NPAS3: variants seen among roughly 807,000 people sequenced by gnomAD.
The protein encoded by NPAS3 is neuronal PAS domain protein 3.
A neutral mutation model predicts 73.1 loss-of-function variants in NPAS3; 14 were observed. The observed-to-expected ratio is 0.19, with a 90% CI of 0.13 to 0.30. The LOEUF (loss-of-function observed/expected upper bound fraction) is 0.30, where lower values mean the gene tolerates loss of function less well. NPAS3 is among the 10% of genes least tolerant of loss of function. NPAS3 has a pLI of 1.00. For missense variants in NPAS3, 1,096 were observed against 1,250.0 expected (o/e 0.88, Z 1.86); for synonymous variants, 620 against 541.5 (o/e 1.14, Z -2.01).
intron 2 of NPAS3, among the ~76,000 whole-genome samples, chr14:33,109,154 C>T (rs1436328050): frequency 6.6e-6 from 1 of 152,096 alleles, no homozygotes; most frequent in East Asian, 1.9e-4. Flanking sequence ...TTTCAAAGAT[C>T]CATGTGAATT....
chr14:33,698,957 A>G (rs1330801092), intron 6 of NPAS3, among the ~76,000 whole-genome samples: 1 of 152,176 alleles, frequency 6.6e-6, no homozygotes, highest in Non-Finnish European at 1.5e-5. Context: ...GGCAGAACAC[A>G]TATTGGTTGC....
intron 3 of NPAS3, among the ~76,000 whole-genome samples, chr14:33,278,222 AAGG>A (rs1266499753): frequency 3.3e-5 from 5 of 152,238 alleles, no homozygotes; most frequent in South Asian, 4.1e-4. Context: ...AGTTAACTTT[AAGG>A]AGATGTCATG....
chr14:33,131,049 C>G (rs997735749), intron 2 of NPAS3, among the ~76,000 whole-genome samples: 3 of 152,160 alleles, frequency 2.0e-5, no homozygotes, highest in African/African-American at 4.8e-5. Flanking sequence ...GCTTTATTAT[C>G]TGGCCCAAGT....
intron 3 of NPAS3, among the ~76,000 whole-genome samples, chr14:33,256,510 T>A (rs916042156): frequency 6.6e-6 from 1 of 152,182 alleles, no homozygotes; most frequent in Admixed American, 6.5e-5. Context: ...GCATTATCAA[T>A]TGCAGTTTGT....
chr14:33,062,303 A>G (rs1160532787), intron 2 of NPAS3, among the ~76,000 whole-genome samples: 70 of 71,890 alleles, frequency 9.7e-4, no homozygotes, highest in Non-Finnish European at 1.8e-3. Context: ...AAAAAAAAGA[A>G]AAAAAAAAAG....
chr14:32,966,776 C>CAAAAAAAAAAAAA, intron 1 of NPAS3, among the ~76,000 whole-genome samples: 1 of 45,166 alleles, frequency 2.2e-5, no homozygotes, highest in East Asian at 4.3e-4. Context: ...GACTCCGTCT[C>CAAAAAAAAAAAAA]AAAAAAAAAA....
chr14:33,497,185 A>G (rs534398684), intron 4 of NPAS3, among the ~76,000 whole-genome samples: 1 of 152,330 alleles, frequency 6.6e-6, no homozygotes, highest in East Asian at 1.9e-4. Flanking sequence ...ACCACCGTTC[A>G]ACAAAGTAAG....
chr14:33,097,644 A>G (rs1461618301), intron 2 of NPAS3, among the ~76,000 whole-genome samples: 2 of 152,322 alleles, frequency 1.3e-5, no homozygotes, highest in Admixed American at 6.5e-5. Flanking sequence ...ATATATGAGA[A>G]TTCCAGTAAC....
intron 2 of NPAS3, among the ~76,000 whole-genome samples, chr14:33,128,343 A>G (rs1196231356): frequency 6.6e-6 from 1 of 152,184 alleles, no homozygotes; most frequent in Non-Finnish European, 1.5e-5. Context: ...TTTCTCAATC[A>G]ACAATATAAG....
intron 2 of NPAS3, among the ~76,000 whole-genome samples, chr14:33,081,539 T>G (rs1259172255): frequency 6.6e-6 from 1 of 152,218 alleles, no homozygotes; most frequent in Non-Finnish European, 1.5e-5. Context: ...AGAGACTTCT[T>G]CTATGTCGTC....
At chr14:32,984,506 G>T (rs188674778) in intron 1 of NPAS3, among the ~76,000 whole-genome samples, 2 of 152,298 alleles carry the variant, frequency 1.3e-5, no homozygotes, top group Admixed American at 1.3e-4. Flanking sequence ...GCTAAGTTGA[G>T]TAACTAAATA....
intron 3 of NPAS3, among the ~76,000 whole-genome samples, chr14:33,237,625 A>G (rs574524851): frequency 1.3e-5 from 2 of 152,214 alleles, no homozygotes; most frequent in South Asian, 4.1e-4. Context: ...TCAGAGAGGC[A>G]ACATGCTAGT....
chr14:32,993,416 G>A (rs957340013), intron 1 of NPAS3, among the ~76,000 whole-genome samples: 12 of 152,268 alleles, frequency 7.9e-5, no homozygotes, highest in Admixed American at 2.0e-4. Context: ...TGAGACATTC[G>A]AGAGGGAAAT....
In NPAS3 at chr14:33,495,555, C is replaced by T. The variant is rs185987607; in HGVS notation, c.469-64566C>T. Reference sequence around the variant, plus strand: ...TTAATTTTCTGACTCATTGATCTGTCTAAAATTGACAGTGGGGTGTTAAAT... The same window carrying T: ...TTAATTTTCTGACTCATTGATCTGTTTAAAATTGACAGTGGGGTGTTAAAT... On this transcript the variant is annotated intron_variant, in intron 4 of 11. Coordinates refer to ENST00000356141, the Ensembl canonical transcript of NPAS3. Among the ~76,000 whole-genome samples the T allele has an allele frequency of 3.3e-5, 5 of 152,150 alleles. No individual in the cohort carries two copies. The East Asian group carries it at 9.7e-4, about 29-fold the overall frequency.
intron 2 of NPAS3, among the ~76,000 whole-genome samples, chr14:33,145,881 G>T (rs995444622): frequency 2.6e-5 from 4 of 151,970 alleles, no homozygotes; most frequent in African/African-American, 4.8e-5. Context: ...ACCTCTTGTT[G>T]TTTTTTAATT....
rs34877774 is a variant in NPAS3 at position 33,383,088 on chromosome 14, TAA to T, written c.468+15844_468+15845del. ...TGTGACAGAGCAAAAGACCCTGTCTTAAAAAAAAAAAAAAAAAAAAAAAAATC... is the reference window on the plus strand; with the variant it reads ...TGTGACAGAGCAAAAGACCCTGTCTTAAAAAAAAAAAAAAAAAAAAAAATC... On this transcript the variant is annotated intron_variant, in intron 4 of 11. Coordinates refer to ENST00000356141, the Ensembl canonical transcript of NPAS3. Among the ~76,000 whole-genome samples, 850 of 104,248 alleles carry T rather than the reference TAA, an allele frequency of 8.2e-3. 11 individuals carry two copies. Among genetic ancestry groups the T allele is most frequent in the African/African-American group, 0.028 (732 of 25,934 alleles). The allele number at this position is 104,248 out of a possible 152,430, so 68.4% of individuals were successfully genotyped here.
At chr14:32,983,615 G>C (rs2037985142) in intron 1 of NPAS3, among the ~76,000 whole-genome samples, 1 of 152,056 alleles carries the variant, frequency 6.6e-6, no homozygotes, top group Non-Finnish European at 1.5e-5. Flanking sequence ...GGCTGAAACT[G>C]TGTGATTTGT....
intron 3 of NPAS3, among the ~76,000 whole-genome samples, chr14:33,349,982 G>C (rs986174616): frequency 2.6e-5 from 4 of 152,230 alleles, no homozygotes; most frequent in Non-Finnish European, 5.9e-5. Context: ...CTGAGTGCTG[G>C]AGAGCACGAA....
At chr14:33,421,183 G>A (rs2048345190) in intron 4 of NPAS3, among the ~76,000 whole-genome samples, 1 of 151,740 alleles carries the variant, frequency 6.6e-6, no homozygotes, top group Non-Finnish European at 1.5e-5. Context: ...GAATTTTTCA[G>A]AACCCTTGTT....
Sources: gnomAD v4.1 joint callset for allele counts (sites outside exome capture counted in the v4.1 genomes callset) on GRCh38, gnomAD v4.1.1 for gene constraint, MANE v1.5 for transcripts, NCBI Gene and HGNC (gene_info 2026-07-23, HGNC 2026-07-21) for gene names.